PDE4D: variants seen among roughly 807,000 people sequenced by gnomAD.
PDE4D encodes 3',5'-cyclic-AMP phosphodiesterase 4D.
PDE4D carries 24 observed loss-of-function variants against 87.4 expected under a neutral mutation model. The ratio of observed to expected loss-of-function variants is 0.27; its 90% CI spans 0.20 to 0.39. The LOEUF (loss-of-function observed/expected upper bound fraction) is 0.39, where lower values mean the gene tolerates loss of function less well. Among genes scored for constraint, PDE4D ranks in the 10% least tolerant of loss-of-function variants. The probability of loss-of-function intolerance (pLI) is 1.00; values close to 1 mark genes in which losing one functional copy is unlikely to be tolerated. For missense variants in PDE4D, 714 were observed against 1,041.0 expected, an observed-to-expected ratio of 0.69 and a Z score of 4.32; for synonymous variants, 384 against 383.2, an observed-to-expected ratio of 1.00 and a Z score of -0.02.
chr5:60,115,676 C>T (rs962891289), intron 2 of PDE4D, among the ~76,000 whole-genome samples: 5 of 151,968 alleles, frequency 3.3e-5, no homozygotes, highest in South Asian at 2.1e-4. Context: ...TTTAAATTCA[C>T]GACTCTTTGT....
intron 5 of PDE4D, among the ~76,000 whole-genome samples, chr5:59,113,272 A>G (rs1256171169): frequency 6.6e-6 from 1 of 152,242 alleles, no homozygotes; most frequent in Non-Finnish European, 1.5e-5. Context: ...ACTATATTCT[A>G]TTATTCCTTT....
intron 6 of PDE4D, among the ~76,000 whole-genome samples, chr5:59,019,609 G>A (rs1754693826): frequency 6.6e-6 from 1 of 151,980 alleles, no homozygotes; most frequent in Non-Finnish European, 1.5e-5. Context: ...GAATCCACAT[G>A]AATACCCCAT....
chr5:59,197,853 G>A (rs1018051387), intron 2 of PDE4D, among the ~76,000 whole-genome samples: 2 of 152,148 alleles, frequency 1.3e-5, no homozygotes, highest in African/African-American at 4.8e-5. Flanking sequence ...CTGAAATCTT[G>A]CACCTGAACA....
intron 1 of PDE4D, among the ~76,000 whole-genome samples, chr5:59,402,395 C>T (rs77652237): frequency 0.041 from 6,169 of 152,226 alleles, 438 homozygotes; most frequent in African/African-American, 0.14. Context: ...CTTCACTCAT[C>T]ACCAGCAGTG....
At chr5:60,026,441 AATCTTTAAAGTGCTCAC>A (rs1342935500) in intron 2 of PDE4D, among the ~76,000 whole-genome samples, 3 of 152,186 alleles carry the variant, frequency 2.0e-5, no homozygotes, top group Non-Finnish European at 4.4e-5. Flanking sequence ...CAGATCATAA[AATCTTTAAAGTGCTCAC>A]ATGTACTTAA....
Position 58,970,671 on chromosome 5 carries a change from G to A in PDE4D, c.*3993C>T, listed in dbSNP as rs1742454500. ...GTTTACATATATGTAAGGACATTTG[G>A]TTTATCTTAGTGGAAGAAAAATTTT... On this transcript the variant is annotated 3_prime_UTR_variant, in exon 15 of 15. Transcript: ENST00000340635. 1 of 152,020 alleles carries A rather than the reference G, an allele frequency of 6.6e-6. No homozygotes were observed. The highest frequency in any genetic ancestry group is 2.4e-5 in the African/African-American group (1 of 41,408). 9.4% of individuals were successfully genotyped at this position (152,020 alleles called of 1,614,324 possible).
At chr5:59,459,948 C>A (rs1401432511) in intron 1 of PDE4D, among the ~76,000 whole-genome samples, 1 of 152,086 alleles carries the variant, frequency 6.6e-6, no homozygotes, top group East Asian at 1.9e-4. Flanking sequence ...AAACCAAGAA[C>A]AATAACTGAC....
At chr5:59,011,971 T>C (rs912254381) in intron 6 of PDE4D, among the ~76,000 whole-genome samples, 3 of 152,196 alleles carry the variant, frequency 2.0e-5, no homozygotes, top group African/African-American at 4.8e-5. Flanking sequence ...AGAAACTCTA[T>C]AAGCCAGAAG....
chr5:59,403,534 C>G (rs945645945), intron 1 of PDE4D, among the ~76,000 whole-genome samples: 1 of 152,114 alleles, frequency 6.6e-6, no homozygotes, highest in South Asian at 2.1e-4. Context: ...ATTTCCAGCT[C>G]CCTTAAATAG....
rs912362583 is a variant in PDE4D, at chr5:59,347,817, G to C, written c.456-131849C>G. On this transcript the variant is annotated intron_variant, in intron 1 of 14. Coordinates refer to ENST00000340635, the MANE Select transcript of PDE4D (RefSeq NM_001104631.2). The stretch of plus-strand genomic sequence containing the variant: ...AGACTGAAAACAAGTCAGTAATGAG[G>C]TCAATATTTATATGGTTCCATTGAC... Among the ~76,000 whole-genome samples the C allele has an allele frequency of 3.3e-5, 5 of 152,224 alleles. No homozygotes were observed. The East Asian group carries it at 7.7e-4, about 23-fold the overall frequency.
rs867740024 is a variant in PDE4D at position 59,185,110 on chromosome 5, A to G, written c.758+79T>C. On this transcript the variant is annotated intron_variant, in intron 4 of 14. Transcript: ENST00000340635. ...GCAACAACACAGAGAAGTCTAACAT[A>G]TTGCCTTGGGCTCAATCAAGTTGAG... is the stretch of plus-strand genomic sequence containing the variant. 3 of 1,063,528 alleles carry G rather than the reference A, an allele frequency of 2.8e-6. No homozygotes were observed. In the Middle Eastern group the frequency reaches 6.2e-4, roughly 218 times the overall value. The allele number at this position is 1,063,528 out of a possible 1,614,324, so 65.9% of individuals were successfully genotyped here. A position where few individuals can be genotyped will look rare whatever the true frequency, so the allele number is the denominator to read the frequency against.
At chr5:60,429,842 T>A in intron 1 of PDE4D, 2 of 344,464 alleles carry the variant, frequency 5.8e-6, no homozygotes, top group South Asian at 4.7e-5. Flanking sequence ...TAGTTTTTTT[T>A]TTTTTGTTTT....
At chr5:59,791,864 C>T (rs964006986) in intron 1 of PDE4D, among the ~76,000 whole-genome samples, 2 of 152,166 alleles carry the variant, frequency 1.3e-5, no homozygotes, top group Middle Eastern at 3.2e-3. Flanking sequence ...TTTCTCTCCT[C>T]ATAAATCACA....
At chr5:59,267,352 A>G (rs1763016310) in intron 1 of PDE4D, among the ~76,000 whole-genome samples, 2 of 152,110 alleles carry the variant, frequency 1.3e-5, no homozygotes, top group African/African-American at 4.8e-5. Flanking sequence ...TATTTTCTGT[A>G]TTCCATATGA....
intron 1 of PDE4D, among the ~76,000 whole-genome samples, chr5:60,311,176 C>A (rs1397517386): frequency 1.3e-5 from 2 of 149,846 alleles, no homozygotes; most frequent in African/African-American, 5.1e-5. Flanking sequence ...GCCACCACGC[C>A]TGGCTAATTT....
intron 1 of PDE4D, among the ~76,000 whole-genome samples, chr5:59,862,689 A>T (rs550863242): frequency 4.6e-5 from 7 of 152,226 alleles, no homozygotes; most frequent in Non-Finnish European, 7.3e-5. Context: ...TGCACACTAG[A>T]ATCAGCTACC....
chr5:59,881,886 C>T (rs1749481573), intron 1 of PDE4D, among the ~76,000 whole-genome samples: 1 of 152,122 alleles, frequency 6.6e-6, no homozygotes, highest in African/African-American at 2.4e-5. Context: ...AGAAGTGATG[C>T]TTGAATCAAG....
intron 1 of PDE4D, among the ~76,000 whole-genome samples, chr5:60,346,505 A>G (rs1758758196): frequency 6.6e-6 from 1 of 152,134 alleles, no homozygotes; most frequent in African/African-American, 2.4e-5. Flanking sequence ...TGTTCAATCC[A>G]TTTCCCATGG....
intron 1 of PDE4D, among the ~76,000 whole-genome samples, chr5:60,444,888 A>G (rs989981940): frequency 6.7e-6 from 1 of 148,926 alleles, no homozygotes. Context: ...TTCAAAATCT[A>G]TGATGCTATC....
Sources: allele counts gnomAD v4.1 joint callset (sites outside exome capture counted in the v4.1 genomes callset), GRCh38; gene constraint gnomAD v4.1.1; transcripts MANE v1.5; gene names NCBI Gene and HGNC (gene_info 2026-07-23, HGNC 2026-07-21).